ATP13A3: variants seen among roughly 807,000 people sequenced by gnomAD.
ATP13A3 encodes ATPase 13A3.
In ATP13A3, 59 loss-of-function variants were observed where a neutral mutation model predicts 158.1. The ratio of observed to expected loss-of-function variants is 0.37; its 90% CI spans 0.30 to 0.46. The LOEUF (loss-of-function observed/expected upper bound fraction) is 0.46. ATP13A3 is among the 20% of genes least tolerant of loss of function. ATP13A3 has a pLI of 1.00. For synonymous variants in ATP13A3, 491 were observed against 504.3 expected (o/e 0.97, Z 0.35); for missense variants, 1,166 against 1,525.2 (o/e 0.76, Z 3.92).
chr3:194,453,592 CTCAA>C (rs769242671), intron 10 of ATP13A3, 110 bp downstream of exon 10: 66 of 817,124 alleles, frequency 8.1e-5, no homozygotes, highest in Non-Finnish European at 9.5e-5. Flanking sequence ...GAGACACTGA[CTCAA>C]TCAATCAATC....
chr3:194,470,319 T>C (rs1039476345), intron 2 of ATP13A3, among the ~76,000 whole-genome samples: 7 of 152,204 alleles, frequency 4.6e-5, no homozygotes, highest in African/African-American at 1.4e-4. Flanking sequence ...GTGATAGCTA[T>C]AACAAAATAA....
At chr3:194,419,345 TTTG>T (rs547233994) in intron 31 of ATP13A3, among the ~76,000 whole-genome samples, 2 of 152,172 alleles carry the variant, frequency 1.3e-5, no homozygotes, top group Non-Finnish European at 2.9e-5. Context: ...TTACCTTTTT[TTTG>T]TTTTCTTTTG....
At chr3:194,446,210 C>T (rs1032991362) in intron 14 of ATP13A3, among the ~76,000 whole-genome samples, 6 of 152,040 alleles carry the variant, frequency 3.9e-5, no homozygotes, top group African/African-American at 1.4e-4. Context: ...TTGTTTTGTC[C>T]GTCTTTTTTT....
intron 2 of ATP13A3, among the ~76,000 whole-genome samples, chr3:194,469,882 T>C (rs1720218533): frequency 6.6e-6 from 1 of 152,194 alleles, no homozygotes; most frequent in Non-Finnish European, 1.5e-5. Flanking sequence ...AAATAAAATA[T>C]GCCCCAATAC....
At chr3:194,416,034 A>T (rs759438103) in intron 31 of ATP13A3, among the ~76,000 whole-genome samples, 1 of 152,230 alleles carries the variant, frequency 6.6e-6, no homozygotes, top group African/African-American at 2.4e-5. Flanking sequence ...AATTTCAAAG[A>T]GTGTGCATCA....
intron 33 of ATP13A3, among the ~76,000 whole-genome samples, chr3:194,410,184 G>A (rs994688193): frequency 5.3e-5 from 8 of 150,784 alleles, no homozygotes; most frequent in African/African-American, 1.7e-4. Context: ...GGCAGGCCAA[G>A]CGTGGTGGCT....
chr3:194,474,108 G>C (rs1720425315), intron 2 of ATP13A3, among the ~76,000 whole-genome samples: 1 of 152,018 alleles, frequency 6.6e-6, no homozygotes, highest in Non-Finnish European at 1.5e-5. Flanking sequence ...CTTTCCTTTG[G>C]GGGGTGACAG....
At position 194,448,331 on chromosome 3, in the gene ATP13A3, G is replaced by A. The variant is rs752127120; in HGVS notation, c.1150+126C>T. The A allele has an allele frequency of 1.6e-5, 18 of 1,131,450 alleles. No individual in the cohort carries two copies. The South Asian group carries it at 2.2e-4, about 14-fold the overall frequency. 70.1% of individuals were successfully genotyped at this position (1,131,450 alleles called of 1,614,324 possible). A position where few individuals can be genotyped will look rare whatever the true frequency, so the allele number is the denominator to read the frequency against. On this transcript the variant is annotated intron_variant, in intron 12 of 33. Coordinates refer to ENST00000645319, the MANE Select transcript of ATP13A3 (RefSeq NM_001367549.1). The surrounding 1 kb of genome is among the most constrained non-coding windows in gnomAD (Gnocchi z 4.0). The stretch of plus-strand genomic sequence containing the variant: ...CTGACCTCATGATCCGCCCACCTCG[G>A]CTTCCCAAAGTGCTGGGATTACAGG...
chr3:194,457,184 T>C lies in ATP13A3; in HGVS notation c.480-10A>G, dbSNP rs758072741. ...ACCTTCATCCAGTCCCCTAAATAAA[T>C]CCAAAGTTTTTACTTTAAACAAAGT... On this transcript the variant is annotated splice_polypyrimidine_tract_variant and intron_variant, in intron 6 of 33. Coordinates refer to ENST00000645319, the MANE Select transcript of ATP13A3 (RefSeq NM_001367549.1). The C allele has an allele frequency of 8.1e-6, 13 of 1,602,292 alleles. No homozygotes were observed. Among genetic ancestry groups the C allele is most frequent in the East Asian group, 2.2e-5 (1 of 44,504 alleles).
chr3:194,465,291 G>A (rs1210633653), intron 2 of ATP13A3, among the ~76,000 whole-genome samples: 3 of 152,204 alleles, frequency 2.0e-5, no homozygotes, highest in African/African-American at 4.8e-5. Flanking sequence ...GAAGTCTGGG[G>A]AAGCACCAAA....
At chr3:194,415,894 A>C (rs906958578) in intron 31 of ATP13A3, among the ~76,000 whole-genome samples, 8 of 152,064 alleles carry the variant, frequency 5.3e-5, no homozygotes, top group African/African-American at 1.9e-4. Flanking sequence ...TCATTTCACA[A>C]ACTTTGTAAG....
chr3:194,421,654 T>G (rs1363866874), intron 30 of ATP13A3, among the ~76,000 whole-genome samples: 2 of 151,152 alleles, frequency 1.3e-5, no homozygotes, highest in Non-Finnish European at 2.9e-5. Flanking sequence ...ATGCAGCAAC[T>G]AAAGTATCAT....
At chr3:194,483,813 CA>C (rs1243231333) in intron 2 of ATP13A3, among the ~76,000 whole-genome samples, 1 of 152,132 alleles carries the variant, frequency 6.6e-6, no homozygotes, top group Admixed American at 6.5e-5. Flanking sequence ...GCCTATCGAG[CA>C]GCCCTGTTCT....
intron 2 of ATP13A3, among the ~76,000 whole-genome samples, chr3:194,473,760 GA>G (rs1476475339): frequency 6.6e-6 from 1 of 152,194 alleles, no homozygotes; most frequent in East Asian, 1.9e-4. Flanking sequence ...GCAGCAGGGG[GA>G]AAAAACCTAG....
At chr3:194,491,895 C>T (rs541923126), upstream of ATP13A3, among the ~76,000 whole-genome samples, 1 of 152,050 alleles carries the variant, frequency 6.6e-6, no homozygotes, top group Non-Finnish European at 1.5e-5. Context: ...TGGCATGCCC[C>T]CTCATCTCTC....
chr3:194,431,338 A>T (rs1434653750), intron 22 of ATP13A3, 112 bp from the exon 23 acceptor site: 2 of 1,240,178 alleles, frequency 1.6e-6, no homozygotes, highest in Non-Finnish European at 2.2e-6. Context: ...TATGTTCCAC[A>T]ACATGATGAA....
intron 31 of ATP13A3, among the ~76,000 whole-genome samples, chr3:194,415,335 G>A (rs1311659967): frequency 6.6e-6 from 1 of 152,166 alleles, no homozygotes; most frequent in Non-Finnish European, 1.5e-5. Context: ...CGAACGTGTG[G>A]GAGGTGAGCT....
intron 2 of ATP13A3, among the ~76,000 whole-genome samples, chr3:194,479,290 C>T (rs367940961): frequency 7.6e-4 from 116 of 152,216 alleles, no homozygotes; most frequent in African/African-American, 2.3e-3. Context: ...TTCAATTAAG[C>T]GTGTGCTAGG....
rs369464906 is a variant in ATP13A3 at position 194,454,328 on chromosome 3, T to C, written c.695A>G (p.Tyr232Cys). The change falls in exon 9 of 34, where the codon TAT (tyrosine) becomes TGT (cysteine). Residue 232 changes from tyrosine to cysteine, a missense_variant. Tyr to Cys is a radical substitution (Grantham distance 194). Coordinates refer to ENST00000645319, the MANE Select transcript of ATP13A3 (RefSeq NM_001367549.1). ...SVILWSTDEYYYYALAIVVMS... is the reference protein window; with the variant it reads ...SVILWSTDEYCYYALAIVVMS... ...AACCACAATAGCTAGAGCATAGTAA[T>C]AGTATTCATCAGTGCTCCACAGTAT... is the stretch of plus-strand genomic sequence containing the variant. 6.2e-6 allele frequency: 10 copies of C among 1,607,660 alleles called. No homozygotes were observed. In the East Asian group the frequency reaches 6.7e-5, roughly 11 times the overall value.
Sources: allele counts gnomAD v4.1 joint callset (sites outside exome capture counted in the v4.1 genomes callset), GRCh38; gene constraint gnomAD v4.1.1; non-coding constraint Gnocchi (gnomAD v3.1); transcripts MANE v1.5; gene names NCBI Gene and HGNC (gene_info 2026-07-23, HGNC 2026-07-21).